RIC8B: variants seen among roughly 807,000 people sequenced by gnomAD.
The protein encoded by RIC8B is RIC8 guanine nucleotide exchange factor B, also known as chaperone Ric-8B.
A neutral mutation model predicts 57.5 loss-of-function variants in RIC8B; 16 were observed. The ratio of observed to expected loss-of-function variants is 0.28; its 90% CI spans 0.19 to 0.42. The LOEUF (loss-of-function observed/expected upper bound fraction) is 0.42. Ranked by LOEUF, RIC8B falls within the 10% of genes least tolerant of loss-of-function variation. The pLI is 1.00. For synonymous variants in RIC8B, 216 were observed against 250.8 expected (o/e 0.86, Z 1.31); for missense variants, 481 against 677.0 (o/e 0.71, Z 3.21).
At chr12:106,822,836 TCTCA>T (rs2045914716) in intron 3 of RIC8B, 1 of 152,522 alleles carries the variant, frequency 6.6e-6, no homozygotes, top group Non-Finnish European at 1.5e-5. Context: ...TGTGAATGAA[TCTCA>T]CAAGCCAACA....
Position 106,774,734 on chromosome 12 carries a change from G to A in RIC8B, c.-12G>A, listed in dbSNP as rs1012582820. On this transcript the variant is annotated 5_prime_UTR_variant, in exon 1 of 10. Transcript: ENST00000392837. ...CGCGCAGAGCGGCCGCGGCTCCCCC[G>A]CACCTGCGGCCATGGATGAGGAGCG... 1.3e-6 allele frequency: 2 copies of A among 1,545,528 alleles called. No individual in the cohort carries two copies. Among genetic ancestry groups the A allele is most frequent in the African/African-American group, 2.7e-5 (2 of 72,886 alleles).
chr12:106,860,161 G>T, intron 7 of RIC8B, 107 bp from the exon 8 acceptor site: 1 of 962,478 alleles, frequency 1.0e-6, no homozygotes. Flanking sequence ...CAGTTTAAAG[G>T]TTTACTGCCA....
chr12:106,879,767 C>A lies in RIC8B; in HGVS notation c.1572-6137C>A. 1 of 985,328 alleles carries A rather than the reference C, an allele frequency of 1.0e-6. No homozygotes were observed. The highest frequency in any genetic ancestry group is 1.2e-6 in the Non-Finnish European group (1 of 829,878). 61.0% of individuals were successfully genotyped at this position (985,328 alleles called of 1,614,324 possible). On this transcript the variant is annotated intron_variant, in intron 9 of 9. Coordinates refer to ENST00000392837, the MANE Select transcript of RIC8B (RefSeq NM_001330145.2). This position sits in a 1 kb window ranked among gnomAD's most constrained non-coding sequence, Gnocchi z 4.9. ...AAGATCAAATTTCTAAATGATGTTT[C>A]GTTCCAGTTGAACATTCTTGGAGGC...
chr12:106,855,604 A>G (rs916286426), intron 7 of RIC8B, among the ~76,000 whole-genome samples: 3 of 151,978 alleles, frequency 2.0e-5, no homozygotes, highest in South Asian at 4.1e-4. Context: ...GCTGTTGTCC[A>G]CTTCCTTTGT....
In RIC8B at chr12:106,781,139, G is replaced by A. The variant is rs151331299; in HGVS notation, c.85-2858G>A. 6.3e-3 allele frequency among the ~76,000 whole-genome samples: 964 copies of A among 152,004 alleles called. 7 individuals are homozygous for A. Among genetic ancestry groups the A allele is most frequent in the Middle Eastern group, 0.037 (11 of 294 alleles). On this transcript the variant is annotated intron_variant, in intron 1 of 9. Coordinates refer to ENST00000392837, the MANE Select transcript of RIC8B (RefSeq NM_001330145.2). The stretch of plus-strand genomic sequence containing the variant: ...ATGGTTTAACTCTTTTTTTTTAAAT[G>A]GGGTTTTATCGTGTTGCCCTGGCTG...
chr12:106,834,754 C>T (rs1210329507), intron 4 of RIC8B, among the ~76,000 whole-genome samples: 2 of 152,018 alleles, frequency 1.3e-5, no homozygotes, highest in East Asian at 1.9e-4. Context: ...GAGGCCGAGG[C>T]AGGCAGATCA....
intron 2 of RIC8B, among the ~76,000 whole-genome samples, chr12:106,796,158 A>G (rs768503084): frequency 6.6e-6 from 1 of 152,186 alleles, no homozygotes; most frequent in Non-Finnish European, 1.5e-5. Flanking sequence ...CTAGTTCTAA[A>G]ATTCATATGA....
intron 2 of RIC8B, among the ~76,000 whole-genome samples, chr12:106,799,211 C>A (rs563861151): frequency 6.6e-6 from 1 of 152,284 alleles, no homozygotes; most frequent in Admixed American, 6.5e-5. Flanking sequence ...AAAATGCAAA[C>A]CCTTGTAAAC....
At chr12:106,779,672 C>CA (rs893708022) in intron 1 of RIC8B, among the ~76,000 whole-genome samples, 8 of 137,862 alleles carry the variant, frequency 5.8e-5, no homozygotes, top group Admixed American at 2.9e-4. Context: ...CAGACACACA[C>CA]AAAAAAAAAT....
intron 7 of RIC8B, 91 bp downstream of exon 7, chr12:106,851,685 C>T: frequency 6.3e-6 from 7 of 1,106,348 alleles, no homozygotes; most frequent in Non-Finnish European, 6.5e-6. Flanking sequence ...CGTCTCATTC[C>T]ATTCTTTCCA....
At position 106,886,152 on chromosome 12, in the gene RIC8B, A is replaced by T. The variant is rs1013333710; in HGVS notation, c.*137A>T. 1 of 643,152 alleles carries T rather than the reference A, an allele frequency of 1.6e-6. No individual in the cohort carries two copies. Among genetic ancestry groups the T allele is most frequent in the African/African-American group, 1.8e-5 (1 of 55,070 alleles). The allele number at this position is 643,152 out of a possible 1,614,324, so 39.8% of individuals were successfully genotyped here. On this transcript the variant is annotated 3_prime_UTR_variant, in exon 10 of 10. Coordinates refer to ENST00000392837, the MANE Select transcript of RIC8B (RefSeq NM_001330145.2). ...TAACTGGTTTACTCATTGAGAATCC[A>T]GCATATTTAAGAGGTGACCCTGTGT...
intron 8 of RIC8B, among the ~76,000 whole-genome samples, chr12:106,868,008 A>G (rs1055052481): frequency 6.6e-6 from 1 of 152,228 alleles, no homozygotes; most frequent in African/African-American, 2.4e-5. Context: ...TTACTTTAGT[A>G]GCTAATTTCA....
At chr12:106,819,891 C>G (rs2045762994) in intron 3 of RIC8B, among the ~76,000 whole-genome samples, 1 of 151,680 alleles carries the variant, frequency 6.6e-6, no homozygotes. Flanking sequence ...TTTGAAGACA[C>G]TTAGATTGTT....
At chr12:106,862,246 A>G (rs1355862729) in intron 8 of RIC8B, among the ~76,000 whole-genome samples, 3 of 152,022 alleles carry the variant, frequency 2.0e-5, no homozygotes, top group Non-Finnish European at 4.4e-5. Flanking sequence ...ATTTTGTTGT[A>G]TTTCTTAAAC....
chr12:106,851,750 C>A (rs1448451307), intron 7 of RIC8B, among the ~76,000 whole-genome samples, 156 bp downstream of exon 7: 1 of 152,058 alleles, frequency 6.6e-6, no homozygotes, highest in African/African-American at 2.4e-5. Context: ...AATTAATAGC[C>A]AAAAACATTT....
At chr12:106,837,896 C>T (rs970660699) in intron 4 of RIC8B, among the ~76,000 whole-genome samples, 1 of 147,274 alleles carries the variant, frequency 6.8e-6, no homozygotes, top group Non-Finnish European at 1.5e-5. Context: ...CCCACCTCAG[C>T]CTCCTGAAGT....
At chr12:106,807,980 G>A (rs1566064244) in intron 2 of RIC8B, among the ~76,000 whole-genome samples, 1 of 151,820 alleles carries the variant, frequency 6.6e-6, no homozygotes, top group Non-Finnish European at 1.5e-5. Flanking sequence ...AGCTACTCAG[G>A]AGGCTGGGGC....
At chr12:106,837,644 T>G (rs956595350) in intron 4 of RIC8B, among the ~76,000 whole-genome samples, 21 of 147,522 alleles carry the variant, frequency 1.4e-4, no homozygotes, top group South Asian at 4.4e-4. Context: ...CTTTTGTTTT[T>G]TTTTTTTTTT....
At position 106,886,295 on chromosome 12, in the gene RIC8B, C is replaced by T. The variant is rs367631786; in HGVS notation, c.*280C>T. 4 of 303,850 alleles carry T rather than the reference C, an allele frequency of 1.3e-5. No homozygotes were observed. The highest frequency in any genetic ancestry group is 4.3e-5 in the African/African-American group (2 of 46,170). 18.8% of individuals were successfully genotyped at this position (303,850 alleles called of 1,614,324 possible). ...AACTGAAGGATTTTATTCTATAAAG[C>T]GGCCCTGGTTGAATCTGGCAATTCT... On this transcript the variant is annotated 3_prime_UTR_variant, in exon 10 of 10. Transcript: ENST00000392837.
Sources: gnomAD v4.1 joint callset for allele counts (sites outside exome capture counted in the v4.1 genomes callset) on GRCh38, gnomAD v4.1.1 for gene constraint, Gnocchi (gnomAD v3.1) non-coding constraint, MANE v1.5 for transcripts, NCBI Gene and HGNC (gene_info 2026-07-23, HGNC 2026-07-21) for gene names.